MESD: variants seen among roughly 807,000 people sequenced by gnomAD.
MESD encodes the protein LRP chaperone MESD.
A neutral mutation model predicts 12.9 loss-of-function variants in MESD; 7 were observed. The observed-to-expected ratio is 0.54, with a 90% CI of 0.31 to 1.02. The LOEUF (loss-of-function observed/expected upper bound fraction) is 1.02, where lower values mean the gene tolerates loss of function less well. Among genes scored for constraint, MESD ranks in the 50% least tolerant of loss-of-function variants. MESD has a pLI of 0.05. For missense variants in MESD, 342 were observed against 296.7 expected (o/e 1.15, Z -1.12); for synonymous variants, 126 against 115.6 (o/e 1.09, Z -0.58).
At chr15:80,981,566 C>T (rs112619564) in intron 2 of MESD, among the ~76,000 whole-genome samples, 20,709 of 151,904 alleles carry the variant, frequency 0.14, 1,424 homozygotes, top group Middle Eastern at 0.19. Flanking sequence ...GGAAAAGCCC[C>T]AGCACAGGGC....
chr15:80,962,518 A>T (rs948426407), intron 3 of MESD, among the ~76,000 whole-genome samples: 1 of 152,204 alleles, frequency 6.6e-6, no homozygotes, highest in Non-Finnish European at 1.5e-5. Context: ...TCTCCACCCC[A>T]AATCAACAGA....
intron 2 of MESD, among the ~76,000 whole-genome samples, chr15:80,981,415 C>T (rs1402996586): frequency 1.2e-4 from 13 of 109,498 alleles, no homozygotes; most frequent in African/African-American, 4.7e-4. Context: ...CCAGCCTGGG[C>T]AACACAGTGA....
chr15:80,947,937 C>T (rs565716555), exon 5 of MESD: 55 of 152,370 alleles, frequency 3.6e-4, no homozygotes, highest in Admixed American at 3.6e-3. Context: ...ACACCATCCT[C>T]ACTATGGAAA....
At chr15:80,961,050 G>A (rs1902076196) in intron 3 of MESD, among the ~76,000 whole-genome samples, 1 of 152,208 alleles carries the variant, frequency 6.6e-6, no homozygotes, top group Non-Finnish European at 1.5e-5. Flanking sequence ...CGTGGTCCCA[G>A]TAATTGCCCT....
chr15:80,984,121 G>A (rs1596238095), intron 1 of MESD, among the ~76,000 whole-genome samples: 1 of 152,034 alleles, frequency 6.6e-6, no homozygotes, highest in Admixed American at 6.5e-5. Flanking sequence ...GGATGGTCTC[G>A]ATCTCCTGAC....
intron 1 of MESD, among the ~76,000 whole-genome samples, chr15:80,987,576 C>T (rs1270372266): frequency 6.6e-6 from 1 of 151,870 alleles, no homozygotes; most frequent in Non-Finnish European, 1.5e-5. Flanking sequence ...GCAACCTCCA[C>T]CTCCCTGGTT....
At chr15:80,947,365 T>G in exon 5 of MESD, 1 of 392,238 alleles carries the variant, frequency 2.5e-6, no homozygotes, top group East Asian at 5.4e-5. Context: ...AAAAGTATCA[T>G]AAGAAAAGTG....
chr15:80,969,529 T>G (rs1032747721), intron 3 of MESD, among the ~76,000 whole-genome samples: 1 of 151,770 alleles, frequency 6.6e-6, no homozygotes, highest in Non-Finnish European at 1.5e-5. Flanking sequence ...GTGGCTGGTG[T>G]CAGTTTTGGA....
downstream of MESD, among the ~76,000 whole-genome samples, chr15:80,973,376 A>C (rs1287470827): frequency 6.6e-6 from 1 of 151,914 alleles, no homozygotes; most frequent in Middle Eastern, 3.2e-3. Context: ...AACAACAACA[A>C]AACCCCACAA....
chr15:80,968,490 C>A (rs545504658), intron 3 of MESD, among the ~76,000 whole-genome samples: 68 of 152,306 alleles, frequency 4.5e-4, no homozygotes, highest in African/African-American at 1.6e-3. Flanking sequence ...ACAAAACACA[C>A]ACACAAATGA....
At chr15:80,984,392 T>G (rs887692116) in intron 1 of MESD, among the ~76,000 whole-genome samples, 1 of 151,886 alleles carries the variant, frequency 6.6e-6, no homozygotes, top group Non-Finnish European at 1.5e-5. Context: ...GAGCAACATA[T>G]CATGACCCTA....
At chr15:80,964,112 T>C (rs1902134731) in intron 3 of MESD, among the ~76,000 whole-genome samples, 2 of 152,248 alleles carry the variant, frequency 1.3e-5, no homozygotes, top group Non-Finnish European at 2.9e-5. Flanking sequence ...CTTAAGCTGA[T>C]AGGCAACTTC....
downstream of MESD, among the ~76,000 whole-genome samples, chr15:80,971,421 G>C (rs1379916340): frequency 1.3e-5 from 2 of 152,104 alleles, no homozygotes; most frequent in Non-Finnish European, 2.9e-5. Context: ...CCTTGACCTT[G>C]GACTGCTGAG....
At chr15:80,963,533 G>T (rs892067229) in intron 3 of MESD, among the ~76,000 whole-genome samples, 3 of 152,172 alleles carry the variant, frequency 2.0e-5, no homozygotes, top group African/African-American at 7.2e-5. Context: ...CAAAAAAAGA[G>T]AATTTTAGGC....
At chr15:80,984,804 C>G (rs1382446482) in intron 1 of MESD, among the ~76,000 whole-genome samples, 2 of 152,174 alleles carry the variant, frequency 1.3e-5, no homozygotes. Flanking sequence ...GCCCCTAAGT[C>G]ACTCTTACTG....
chr15:80,972,717 C>G (rs1466260295), downstream of MESD, among the ~76,000 whole-genome samples: 1 of 152,210 alleles, frequency 6.6e-6, no homozygotes, highest in Non-Finnish European at 1.5e-5. Flanking sequence ...AGAGACCAGG[C>G]AGCAATATAA....
intron 2 of MESD, among the ~76,000 whole-genome samples, chr15:80,981,534 G>A (rs1008415572): frequency 2.0e-4 from 30 of 151,382 alleles, no homozygotes; most frequent in African/African-American, 7.3e-4. Flanking sequence ...CGGCCAGAAA[G>A]GACACCCTGT....
Position 80,960,909 on chromosome 15 carries a change from G to A in MESD, c.*289-8613C>T, listed in dbSNP as rs77247216. Among the ~76,000 whole-genome samples, 793 of 152,248 alleles carry A rather than the reference G, an allele frequency of 5.2e-3. 12 individuals carry two copies. The highest frequency in any genetic ancestry group is 0.018 in the African/African-American group (763 of 41,532). Reference sequence around the variant, plus strand: ...TTGGGTTTGGCCAATTGGAGGCACCGTCAACAGATGGAAGGGAGGAAGGAA... The same window carrying A: ...TTGGGTTTGGCCAATTGGAGGCACCATCAACAGATGGAAGGGAGGAAGGAA... On this transcript the variant is annotated intron_variant, in intron 3 of 4. Coordinates refer to the MESD transcript ENST00000561312.
At chr15:80,969,724 G>A (rs540922826) in intron 3 of MESD, among the ~76,000 whole-genome samples, 3 of 152,204 alleles carry the variant, frequency 2.0e-5, no homozygotes, top group South Asian at 4.2e-4. Flanking sequence ...GTGTGGTGGC[G>A]GGTGCCTGTA....
Sources: allele counts gnomAD v4.1 joint callset (sites outside exome capture counted in the v4.1 genomes callset), GRCh38; gene constraint gnomAD v4.1.1; transcripts MANE v1.5; gene names NCBI Gene and HGNC (gene_info 2026-07-23, HGNC 2026-07-21).